LRP1B: variants seen among roughly 807,000 people sequenced by gnomAD.
LRP1B encodes low-density lipoprotein receptor-related protein 1B.
Under a neutral mutation model 556.6 loss-of-function variants are expected in LRP1B, and 217 were observed. The ratio of observed to expected loss-of-function variants is 0.39; its 90% CI spans 0.35 to 0.44. LRP1B has a LOEUF of 0.44. LRP1B is among the 20% of genes least tolerant of loss of function. The probability of loss-of-function intolerance (pLI) is 1.00; values close to 1 mark genes in which losing one functional copy is unlikely to be tolerated. For synonymous variants in LRP1B, 2,047 were observed against 1,865.8 expected (o/e 1.10, Z -2.50); for missense variants, 5,053 against 5,620.8 (o/e 0.90, Z 3.23).
intron 3 of LRP1B, among the ~76,000 whole-genome samples, chr2:141,382,830 T>C (rs1449862023): frequency 1.3e-5 from 2 of 152,156 alleles, no homozygotes; most frequent in Non-Finnish European, 2.9e-5. Flanking sequence ...TTTTTTGATA[T>C]GACATCCACA....
At chr2:140,964,857 G>A (rs1488174688) in intron 18 of LRP1B, among the ~76,000 whole-genome samples, 1 of 152,172 alleles carries the variant, frequency 6.6e-6, no homozygotes, top group East Asian at 1.9e-4. Flanking sequence ...GGGAGGCTGA[G>A]GCAGGAGAAT....
rs190172901 is a variant in LRP1B, at chr2:141,204,492, A to G, written c.851-15909T>C. 9.2e-5 allele frequency among the ~76,000 whole-genome samples: 14 copies of G among 152,310 alleles called. No homozygotes were observed. The East Asian group carries it at 2.3e-3, about 25-fold the overall frequency. On this transcript the variant is annotated intron_variant, in intron 6 of 90. Transcript: ENST00000389484. ...CCAAAGGTAGCCTAGGACTAGTCCA[A>G]ATAGAAATTGGGGTGTTATTTTCCT...
chr2:140,605,354 C>T (rs989252076), intron 41 of LRP1B, among the ~76,000 whole-genome samples: 12 of 152,170 alleles, frequency 7.9e-5, no homozygotes, highest in Non-Finnish European at 7.4e-5. Context: ...TGTGAAGTTT[C>T]CAAGGATACA....
intron 6 of LRP1B, among the ~76,000 whole-genome samples, chr2:141,218,858 G>T (rs931071086): frequency 5.3e-5 from 8 of 152,152 alleles, no homozygotes; most frequent in Non-Finnish European, 1.2e-4. Flanking sequence ...AACAAAAACA[G>T]TAAGTGAATC....
chr2:140,865,201 C>T (rs937819415), intron 27 of LRP1B, among the ~76,000 whole-genome samples: 1 of 151,986 alleles, frequency 6.6e-6, no homozygotes, highest in Non-Finnish European at 1.5e-5. Flanking sequence ...CAATTTGGAA[C>T]TTTGTGTGCA....
intron 15 of LRP1B, 23 bp downstream of exon 15, chr2:141,005,312 A>G (rs1697540398): frequency 6.2e-7 from 1 of 1,606,328 alleles, no homozygotes; most frequent in Non-Finnish European, 8.5e-7. Context: ...TAAACAAATA[A>G]GGGTAACTTG....
chr2:140,242,971 C>A (rs1234959330), intron 87 of LRP1B, among the ~76,000 whole-genome samples: 1 of 151,082 alleles, frequency 6.6e-6, no homozygotes, highest in African/African-American at 2.4e-5. Context: ...AAGGATGGAA[C>A]TTAAGTGTTG....
chr2:141,374,574 T>A (rs1409657636), intron 3 of LRP1B, among the ~76,000 whole-genome samples: 1 of 152,198 alleles, frequency 6.6e-6, no homozygotes, highest in Non-Finnish European at 1.5e-5. Context: ...TTCTATTTTA[T>A]CCTTTTTTCC....
At chr2:141,409,849 AAAG>A in intron 3 of LRP1B, among the ~76,000 whole-genome samples, 1 of 152,096 alleles carries the variant, frequency 6.6e-6, no homozygotes, top group East Asian at 1.9e-4. Context: ...TAGCAGAATA[AAAG>A]AAGGATTAAG....
chr2:140,869,783 G>C (rs980026052), intron 25 of LRP1B, among the ~76,000 whole-genome samples: 3 of 152,174 alleles, frequency 2.0e-5, no homozygotes, highest in African/African-American at 7.2e-5. Context: ...ATTGTGTATA[G>C]GGGTTCCACT....
At chr2:142,129,386 T>A (rs1707767050) in intron 1 of LRP1B, among the ~76,000 whole-genome samples, 2 of 152,312 alleles carry the variant, frequency 1.3e-5, no homozygotes, top group African/African-American at 4.8e-5. Context: ...CACGTGTAGG[T>A]ATGTTACAAA....
chr2:141,786,579 C>A (rs1426564907), intron 2 of LRP1B, among the ~76,000 whole-genome samples: 1 of 151,808 alleles, frequency 6.6e-6, no homozygotes, highest in African/African-American at 2.4e-5. Flanking sequence ...ATCAAGCTAC[C>A]AGAAAACACA....
At chr2:140,661,574 G>A (rs1253126189) in intron 41 of LRP1B, among the ~76,000 whole-genome samples, 1 of 151,770 alleles carries the variant, frequency 6.6e-6, no homozygotes, top group African/African-American at 2.4e-5. Context: ...GGTTGAGATA[G>A]GAGAATCACT....
chr2:140,322,559 T>C (rs1477893721), intron 81 of LRP1B, among the ~76,000 whole-genome samples: 1 of 138,252 alleles, frequency 7.2e-6, no homozygotes, highest in African/African-American at 3.5e-5. Flanking sequence ...AAAATGCATA[T>C]GTAGCTTGTC....
intron 66 of LRP1B, among the ~76,000 whole-genome samples, chr2:140,422,425 C>G (rs1248815236): frequency 6.6e-6 from 1 of 152,104 alleles, no homozygotes; most frequent in Non-Finnish European, 1.5e-5. Context: ...ATATTTAACA[C>G]ATTATATGAC....
chr2:141,746,759 A>G (rs908053336), intron 2 of LRP1B, among the ~76,000 whole-genome samples: 2 of 152,226 alleles, frequency 1.3e-5, no homozygotes, highest in African/African-American at 4.8e-5. Context: ...ACTTTAAAAA[A>G]TGCCAATAAA....
intron 32 of LRP1B, among the ~76,000 whole-genome samples, chr2:140,780,115 A>C (rs551911581): frequency 1.9e-4 from 29 of 152,152 alleles, no homozygotes; most frequent in Non-Finnish European, 3.4e-4. Flanking sequence ...GGAAGAAAAT[A>C]GTACAACTAC....
At chr2:142,123,767 A>C (rs977210602) in intron 1 of LRP1B, among the ~76,000 whole-genome samples, 6 of 151,566 alleles carry the variant, frequency 4.0e-5, no homozygotes, top group Non-Finnish European at 4.4e-5. Context: ...ATTCATGTTT[A>C]AATGGAAACT....
intron 2 of LRP1B, among the ~76,000 whole-genome samples, chr2:141,781,418 G>C (rs1188562117): frequency 6.6e-6 from 1 of 152,076 alleles, no homozygotes; most frequent in Non-Finnish European, 1.5e-5. Flanking sequence ...TTTTTACTAA[G>C]CCAGCTGGAT....
Sources: gnomAD v4.1 joint callset for allele counts (sites outside exome capture counted in the v4.1 genomes callset) on GRCh38, gnomAD v4.1.1 for gene constraint, MANE v1.5 for transcripts, NCBI Gene and HGNC (gene_info 2026-07-23, HGNC 2026-07-21) for gene names.